KDM2A: variants seen among roughly 807,000 people sequenced by gnomAD.
KDM2A encodes lysine demethylase 2A, also known as lysine-specific demethylase 2A.
In KDM2A, 3 loss-of-function variants were observed where a neutral mutation model predicts 137.3. The ratio of observed to expected loss-of-function variants is 0.02; its 90% CI spans 0.01 to 0.06. The LOEUF (loss-of-function observed/expected upper bound fraction) is 0.06, where lower values mean the gene tolerates loss of function less well. Among genes scored for constraint, KDM2A ranks in the 10% least tolerant of loss-of-function variants. KDM2A has a pLI of 1.00. For missense variants in KDM2A, 738 were observed against 1,510.6 expected (o/e 0.49, Z 8.48); for synonymous variants, 512 against 541.5 (o/e 0.95, Z 0.76).
chr11:67,211,613 C>CAAAA lies in KDM2A; in HGVS notation c.487-3703_487-3700dup, dbSNP rs377116306. Among the ~76,000 whole-genome samples the CAAAA allele has an allele frequency of 5.0e-4, 25 of 50,254 alleles. 1 individual carries two copies. Among genetic ancestry groups the CAAAA allele is most frequent in the South Asian group, 1.4e-3 (1 of 728 alleles). The allele number at this position is 50,254 out of a possible 152,430, so 33.0% of individuals were successfully genotyped here. On this transcript the variant is annotated intron_variant, in intron 6 of 20. Coordinates refer to ENST00000529006, the MANE Select transcript of KDM2A (RefSeq NM_012308.3). ...TGGGTGACACAGTGAGACCCTGTCTCAAAAAAAAAAAAAAAAAAAAAAAAA... is the reference window on the plus strand; with the variant it reads ...TGGGTGACACAGTGAGACCCTGTCTCAAAAAAAAAAAAAAAAAAAAAAAAAAAAA...
chr11:67,211,800 C>G (rs75375400), intron 6 of KDM2A, among the ~76,000 whole-genome samples: 1 of 152,048 alleles, frequency 6.6e-6, no homozygotes, highest in East Asian at 1.9e-4. Flanking sequence ...ATTTCTTAAT[C>G]CTAGAGTTAC....
intron 10 of KDM2A, among the ~76,000 whole-genome samples, chr11:67,225,709 C>A (rs910799193): frequency 6.6e-6 from 1 of 150,940 alleles, no homozygotes; most frequent in African/African-American, 2.4e-5. Flanking sequence ...GCACAGGTTG[C>A]GGTGAGCCGA....
Position 67,250,096 on chromosome 11 carries a change from T to C in KDM2A, c.2066T>C (p.Met689Thr). The change falls in exon 17 of 21, where the codon ATG (methionine) becomes ACG (threonine). Residue 689 changes from methionine (M) to threonine (T), a missense_variant. Physicochemically the swap from Met to Thr is moderately conservative, Grantham distance 81. This residue lies in a region of KDM2A where 244 missense variants were observed against 324.6 expected (regional missense o/e 0.75). Coordinates refer to ENST00000529006, the MANE Select transcript of KDM2A (RefSeq NM_012308.3). This position sits in a 1 kb window ranked among gnomAD's most constrained non-coding sequence, Gnocchi z 7.1. ...DSSEKAQKRK[M>T]EESDEEAVQA... Reference sequence around the variant, plus strand: ...GGGCCTGTTTTGCAGAAGCGGAAAATGGAAGAGAGTGACGAAGAAGCTGTG... The same window carrying C: ...GGGCCTGTTTTGCAGAAGCGGAAAACGGAAGAGAGTGACGAAGAAGCTGTG... The C allele has an allele frequency of 1.3e-6, 2 of 1,581,136 alleles. No individual in the cohort carries two copies. The highest frequency in any genetic ancestry group is 1.7e-6 in the Non-Finnish European group (2 of 1,163,342).
chr11:67,124,044 C>T (rs1423286781), intron 2 of KDM2A, among the ~76,000 whole-genome samples: 1 of 152,110 alleles, frequency 6.6e-6, no homozygotes, highest in Non-Finnish European at 1.5e-5. Context: ...CGCTCTGTTG[C>T]CCAGGCTGGA....
intron 2 of KDM2A, among the ~76,000 whole-genome samples, chr11:67,123,065 G>A (rs1048998992): frequency 6.6e-6 from 1 of 151,924 alleles, no homozygotes; most frequent in Non-Finnish European, 1.5e-5. Context: ...CAAATTCCTG[G>A]GCTCAAGCAA....
chr11:67,255,166 C>A lies in KDM2A; in HGVS notation c.*111C>A. 1 of 929,922 alleles carries A rather than the reference C, an allele frequency of 1.1e-6. No homozygotes were observed. Among genetic ancestry groups the A allele is most frequent in the East Asian group, 2.6e-5 (1 of 37,850 alleles). The allele number at this position is 929,922 out of a possible 1,614,324, so 57.6% of individuals were successfully genotyped here. ...CTGAGGCCAGCGTCACACTCCCTCT[C>A]TGCTCTCCTGTCCCTTGAGCCCTTC... On this transcript the variant is annotated 3_prime_UTR_variant, in exon 21 of 21. Transcript: ENST00000529006.
At chr11:67,152,256 T>A (rs190832517) in intron 2 of KDM2A, among the ~76,000 whole-genome samples, 15 of 151,610 alleles carry the variant, frequency 9.9e-5, no homozygotes, top group Non-Finnish European at 1.6e-4. Context: ...GAGGTTGCAG[T>A]GAGCCGAGAT....
At chr11:67,120,810 CT>C (rs1332320877) in intron 1 of KDM2A, among the ~76,000 whole-genome samples, 1 of 151,954 alleles carries the variant, frequency 6.6e-6, no homozygotes, top group Non-Finnish European at 1.5e-5. Flanking sequence ...CCCTTCTTTC[CT>C]TTAGTTTCTG....
intron 12 of KDM2A, among the ~76,000 whole-genome samples, chr11:67,237,829 C>A (rs542106073): frequency 5.9e-5 from 9 of 152,026 alleles, no homozygotes; most frequent in African/African-American, 1.9e-4. Flanking sequence ...CACCTGTAGT[C>A]CCAGCTACTC....
intron 2 of KDM2A, among the ~76,000 whole-genome samples, chr11:67,154,658 C>T (rs182089219): frequency 6.6e-6 from 1 of 151,976 alleles, no homozygotes; most frequent in African/African-American, 2.4e-5. Flanking sequence ...AGGCTAGTCT[C>T]GAACTCTTGG....
chr11:67,252,972 C>A, intron 18 of KDM2A, 115 bp downstream of exon 18: 1 of 1,136,454 alleles, frequency 8.8e-7, no homozygotes, highest in Non-Finnish European at 1.2e-6. Context: ...GGGCAGCAGT[C>A]CCATGCCATT....
chr11:67,183,613 G>C (rs1316133319), intron 5 of KDM2A, among the ~76,000 whole-genome samples: 1 of 152,208 alleles, frequency 6.6e-6, no homozygotes, highest in Non-Finnish European at 1.5e-5. Context: ...ATTTCAGTCA[G>C]TTTCAGGCCT....
rs561153207 is a variant in KDM2A at position 67,122,643 on chromosome 11, TTTTATTTATTTATTTA to T, written c.42+1317_42+1332del. 3.3e-4 allele frequency among the ~76,000 whole-genome samples: 48 copies of T among 144,644 alleles called. 1 individual carries two copies. The highest frequency in any genetic ancestry group is 9.0e-4 in the Admixed American group (13 of 14,520). The allele number at this position is 144,644 out of a possible 152,430, so 94.9% of individuals were successfully genotyped here. ...TGGCCATGGCCTATTTTTTATTTAT[TTTTATTTATTTATTTA>T]TTTATTTATTTATTTATTTATTTAT... On this transcript the variant is annotated intron_variant, in intron 2 of 20. Transcript: ENST00000529006.
intron 2 of KDM2A, among the ~76,000 whole-genome samples, chr11:67,156,586 G>A (rs1338967294): frequency 1.3e-5 from 2 of 152,036 alleles, no homozygotes; most frequent in East Asian, 3.9e-4. Flanking sequence ...GGGCGTGGTG[G>A]TAGGCGCCTG....
chr11:67,247,062 TATATATATA>T (rs1250628154), intron 15 of KDM2A, among the ~76,000 whole-genome samples: 9 of 33,322 alleles, frequency 2.7e-4, no homozygotes, highest in African/African-American at 8.1e-4. Context: ...TATATATATA[TATATATATA>T]TTTTTTTTTT....
intron 5 of KDM2A, among the ~76,000 whole-genome samples, chr11:67,195,300 C>T (rs1468467399): frequency 7.5e-6 from 1 of 132,882 alleles, no homozygotes; most frequent in Non-Finnish European, 1.5e-5. Flanking sequence ...ACCCAGAAGG[C>T]GAAGGCTGCA....
At chr11:67,229,898 C>T (rs562637441) in intron 11 of KDM2A, among the ~76,000 whole-genome samples, 30 of 149,822 alleles carry the variant, frequency 2.0e-4, no homozygotes, top group Non-Finnish European at 2.8e-4. Flanking sequence ...ACATCTAGGC[C>T]GGGTGTGGTG....
intron 2 of KDM2A, among the ~76,000 whole-genome samples, chr11:67,131,051 C>T (rs1171424720): frequency 6.6e-6 from 1 of 152,096 alleles, no homozygotes; most frequent in African/African-American, 2.4e-5. Flanking sequence ...AGGCCGGGTG[C>T]AGTGGCTCAC....
intron 10 of KDM2A, among the ~76,000 whole-genome samples, chr11:67,224,021 C>T (rs1858451988): frequency 6.6e-6 from 1 of 152,200 alleles, no homozygotes; most frequent in Non-Finnish European, 1.5e-5. Context: ...GGCTACTATG[C>T]ATTAGAAAAC....
Sources: allele counts gnomAD v4.1 joint callset (sites outside exome capture counted in the v4.1 genomes callset), GRCh38; gene constraint gnomAD v4.1.1; regional missense constraint gnomAD v4.1.1; non-coding constraint Gnocchi (gnomAD v3.1); transcripts MANE v1.5; gene names NCBI Gene and HGNC (gene_info 2026-07-23, HGNC 2026-07-21).